Variants in CYP4F2 observed in about 807,000 individuals in gnomAD.
The protein encoded by CYP4F2 is cytochrome P450 4F2.
Under a neutral mutation model 58.9 loss-of-function variants are expected in CYP4F2, and 58 were observed. The ratio of observed to expected loss-of-function variants is 0.98; its 90% CI spans 0.80 to 1.23. The LOEUF (loss-of-function observed/expected upper bound fraction) is 1.23. Among genes scored for constraint, CYP4F2 ranks in the 50% most tolerant of loss-of-function variants. The pLI is 0.00. For synonymous variants in CYP4F2, 287 were observed against 261.1 expected (o/e 1.10, Z -0.95); for missense variants, 616 against 685.6 (o/e 0.90, Z 1.13).
chr19:15,892,393 G>T lies in CYP4F2; in HGVS notation c.441C>A (p.His147Gln). 6.2e-7 allele frequency: 1 copy of T among 1,614,192 alleles called. No homozygotes were observed. Among genetic ancestry groups the T allele is most frequent in the Non-Finnish European group, 8.5e-7 (1 of 1,180,040 alleles). The part of the protein sequence containing the change: ...LLSAGDKWSR[H>Q]RRMLTPAFHF... ...GGAAGGCAGGCGTCAGCATCCGACG[G>T]TGGCGGCTCCACTTGTCACCAGCAC... is the stretch of plus-strand genomic sequence containing the variant. Residue 147 changes from histidine to glutamine, a missense_variant, in exon 5 of 13, where the codon CAC becomes CAA. By Grantham distance (24) the His-to-Gln change is conservative. Coordinates refer to ENST00000221700, the MANE Select transcript of CYP4F2 (RefSeq NM_001082.5).
intron 2 of CYP4F2, among the ~76,000 whole-genome samples, chr19:15,896,508 C>T (rs79811793): frequency 0.029 from 4,418 of 152,244 alleles, 237 homozygotes; most frequent in African/African-American, 0.098. Flanking sequence ...GGAGCAGTAT[C>T]GCCTCAGGAC....
intron 1 of CYP4F2, 79 bp from the exon 2 acceptor site, chr19:15,897,691 C>G: frequency 6.5e-7 from 1 of 1,533,394 alleles, no homozygotes; most frequent in Non-Finnish European, 8.8e-7. Context: ...AGTGGAGAGG[C>G]AGGGACGGGC....
Position 15,889,603 on chromosome 19 carries a change from C to A in CYP4F2, c.738G>T (p.Leu246=), listed in dbSNP as rs1210350611. Residue 246 remains leucine (L), a synonymous_variant, in exon 7 of 13, where the codon CTG becomes CTT. Coordinates refer to ENST00000221700, the MANE Select transcript of CYP4F2 (RefSeq NM_001082.5). The part of the protein sequence containing the change: ...HHEILLHIDF[L]YYLTPDGQRF... ...GCTGCCCATCAGGGGTGAGATAATA[C>A]AGGAAGTCAATATGCAGGAGGATCT... is the stretch of plus-strand genomic sequence containing the variant. 6.2e-7 allele frequency: 1 copy of A among 1,614,088 alleles called. No homozygotes were observed. Among genetic ancestry groups the A allele is most frequent in the African/African-American group, 1.3e-5 (1 of 74,922 alleles).
rs1473825512 is a variant in CYP4F2 at position 15,889,584 on chromosome 19, C to T, written c.757G>A (p.Gly253Arg). The T allele has an allele frequency of 6.2e-7, 1 of 1,614,168 alleles. No individual in the cohort carries two copies. Reference sequence around the variant, plus strand: ...CGGCAGGCCCTGCGGAAACGCTGCCCATCAGGGGTGAGATAATACAGGAAG... The same window carrying T: ...CGGCAGGCCCTGCGGAAACGCTGCCTATCAGGGGTGAGATAATACAGGAAG... ...IDFLYYLTPD[G>R]QRFRRACRLV... is the part of the protein sequence containing the mutation. Residue 253 changes from glycine to arginine, a missense_variant, in exon 7 of 13, where the codon GGG becomes AGG. Transcript: ENST00000221700.
intron 5 of CYP4F2, among the ~76,000 whole-genome samples, chr19:15,891,733 G>A (rs756021491): frequency 3.3e-5 from 5 of 152,112 alleles, no homozygotes; most frequent in Non-Finnish European, 5.9e-5. Flanking sequence ...GCGCCTTCTG[G>A]AAGGAGACAA....
In CYP4F2 at chr19:15,878,864, G is replaced by A. The variant is rs150488576; in HGVS notation, c.1470C>T (p.Arg490=). The part of the protein sequence containing the change: ...VVLALTLLRF[R]VLPDHTEPRR... ...GGGGCTCGGTGTGGTCAGGCAGGAC[G>A]CGGAAGCGCAGCAGCGTGAGCGCCA... The change falls in exon 13 of 13, where the codon CGC becomes CGT. Residue 490 remains arginine (R), a synonymous_variant. Coordinates refer to ENST00000221700, the MANE Select transcript of CYP4F2 (RefSeq NM_001082.5). 1.2e-4 allele frequency: 191 copies of A among 1,614,034 alleles called. 1 individual carries two copies. In the African/African-American group the frequency reaches 2.1e-3, roughly 18 times the overall value.
chr19:15,884,135 GA>G (rs1225386219), intron 9 of CYP4F2, among the ~76,000 whole-genome samples: 1 of 151,978 alleles, frequency 6.6e-6, no homozygotes, highest in East Asian at 1.9e-4. Context: ...AGGAAGAAAG[GA>G]AATGTGGCAT....
chr19:15,889,847 T>C (rs1372409830), intron 6 of CYP4F2, among the ~76,000 whole-genome samples, 154 bp from the exon 7 acceptor site: 3 of 152,106 alleles, frequency 2.0e-5, no homozygotes, highest in Non-Finnish European at 4.4e-5. Flanking sequence ...CAGCATGAGA[T>C]TGATTCTCCA....
Position 15,897,613 on chromosome 19 carries a change from C to T in CYP4F2, c.-1-1G>A, listed in dbSNP as rs1363997693. 2 of 1,613,452 alleles carry T rather than the reference C, an allele frequency of 1.2e-6. No individual in the cohort carries two copies. The highest frequency in any genetic ancestry group is 1.7e-6 in the Non-Finnish European group (2 of 1,179,848). ...CCAGGACAGGCTCAGCTGGGACATC[C>T]TGCAGGGCAGACGGGATGGACGGTG... On this transcript the variant is annotated splice_acceptor_variant, in intron 1 of 12. Coordinates refer to ENST00000221700, the MANE Select transcript of CYP4F2 (RefSeq NM_001082.5). LOFTEE classifies it low-confidence loss of function (5UTR_SPLICE).
chr19:15,892,397 C>T lies in CYP4F2; in HGVS notation c.437G>A (p.Arg146His), dbSNP rs61755872. Residue 146 changes from arginine (R) to histidine (H), a missense_variant, in exon 5 of 13, where the codon CGC (arginine) becomes CAC (histidine). Transcript: ENST00000221700. ...GGCAGGCGTCAGCATCCGACGGTGG[C>T]GGCTCCACTTGTCACCAGCACTCAG... ...LLLSAGDKWS[R>H]HRRMLTPAFH... is the part of the protein sequence containing the mutation. 266 of 1,614,164 alleles carry T rather than the reference C, an allele frequency of 1.6e-4. No homozygotes were observed. The highest frequency in any genetic ancestry group is 9.7e-4 in the African/African-American group (73 of 75,042).
chr19:15,882,251 G>GAAA lies in CYP4F2; in HGVS notation c.1116-2357_1116-2355dup, dbSNP rs34369653. 3.7e-3 allele frequency among the ~76,000 whole-genome samples: 532 copies of GAAA among 144,670 alleles called. 2 individuals carry two copies. Among genetic ancestry groups the GAAA allele is most frequent in the Non-Finnish European group, 6.2e-3 (411 of 66,112 alleles). 94.9% of individuals were successfully genotyped at this position (144,670 alleles called of 152,430 possible). A position where few individuals can be genotyped will look rare whatever the true frequency, so the allele number is the denominator to read the frequency against. Reference sequence around the variant, plus strand: ...CAGAGCGAGACTCCATCTCAAAAATGAAAAAAAAAAGAAAGAAAGAAAAGA... The same window carrying GAAA: ...CAGAGCGAGACTCCATCTCAAAAATGAAAAAAAAAAAAAGAAAGAAAGAAAAGA... On this transcript the variant is annotated intron_variant, in intron 9 of 12. Transcript: ENST00000221700.
chr19:15,897,861 A>C, intron 1 of CYP4F2, 165 bp downstream of exon 1: 5 of 447,354 alleles, frequency 1.1e-5, no homozygotes, highest in Non-Finnish European at 1.6e-5. Context: ...AAAGTCCAGA[A>C]AGGCCCAGCC....
chr19:15,890,293 A>G lies in CYP4F2; in HGVS notation c.647+19T>C. Reference sequence around the variant, plus strand: ...TTGGGTCCACAGCCCAAGATCCCAGATCCTGGGCAAGAACTTACTCCTGAC... The same window carrying G: ...TTGGGTCCACAGCCCAAGATCCCAGGTCCTGGGCAAGAACTTACTCCTGAC... On this transcript the variant is annotated intron_variant, in intron 6 of 12. Coordinates refer to ENST00000221700, the MANE Select transcript of CYP4F2 (RefSeq NM_001082.5). 3 of 1,613,852 alleles carry G rather than the reference A, an allele frequency of 1.9e-6. No individual in the cohort carries two copies. Among genetic ancestry groups the G allele is most frequent in the Non-Finnish European group, 2.5e-6 (3 of 1,179,874 alleles).
At chr19:15,887,937 T>C (rs946446734) in intron 7 of CYP4F2, among the ~76,000 whole-genome samples, 4 of 147,778 alleles carry the variant, frequency 2.7e-5, no homozygotes, top group South Asian at 2.2e-4. Flanking sequence ...GACACAGATA[T>C]AGACACAGAC....
intron 10 of CYP4F2, 46 bp from the exon 11 acceptor site, chr19:15,879,714 G>C: frequency 6.2e-7 from 1 of 1,613,924 alleles, no homozygotes; most frequent in South Asian, 1.1e-5. Context: ...CCTTCACTGA[G>C]GGGCCCCTCT....
At chr19:15,891,678 C>A (rs2089417163) in intron 5 of CYP4F2, among the ~76,000 whole-genome samples, 1 of 152,232 alleles carries the variant, frequency 6.6e-6, no homozygotes, top group South Asian at 2.1e-4. Flanking sequence ...CGAAGCTAAG[C>A]CTTGTCTTAC....
At chr19:15,896,076 C>CCATT (rs2089446201) in intron 2 of CYP4F2, among the ~76,000 whole-genome samples, 1 of 145,600 alleles carries the variant, frequency 6.9e-6, no homozygotes, top group Non-Finnish European at 1.5e-5. Flanking sequence ...ATCTATCCAT[C>CCATT]CATCCATCCA....
intron 9 of CYP4F2, among the ~76,000 whole-genome samples, chr19:15,884,080 A>AAGAAAGAG (rs1261578032): frequency 6.6e-6 from 1 of 152,040 alleles, no homozygotes; most frequent in East Asian, 1.9e-4. Context: ...GAAAGGAAAG[A>AAGAAAGAG]AGAAAGAGAG....
intron 12 of CYP4F2, 52 bp downstream of exon 12, chr19:15,879,294 A>G: frequency 6.3e-7 from 1 of 1,595,788 alleles, no homozygotes; most frequent in Non-Finnish European, 8.6e-7. Context: ...TGTCATGCCC[A>G]GACCCCTGCA....
Sources: gnomAD v4.1 joint callset for allele counts (sites outside exome capture counted in the v4.1 genomes callset) on GRCh38, gnomAD v4.1.1 for gene constraint, MANE v1.5 for transcripts, NCBI Gene and HGNC (gene_info 2026-07-23, HGNC 2026-07-21) for gene names.